The following ABCA13 variants were observed in gnomAD, a reference collection of about 807,000 sequenced individuals.
The protein encoded by ABCA13 is ATP-binding cassette sub-family A member 13.
Under a neutral mutation model 478.7 loss-of-function variants are expected in ABCA13, and 476 were observed. The observed-to-expected ratio is 0.99, with a 90% CI of 0.92 to 1.07. The LOEUF (loss-of-function observed/expected upper bound fraction) is 1.07. Among genes scored for constraint, ABCA13 ranks in the 50% least tolerant of loss-of-function variants. ABCA13 has a pLI of 0.00. For missense variants in ABCA13, 6,060 were observed against 5,910.6 expected, an observed-to-expected ratio of 1.03 and a Z score of -0.83; for synonymous variants, 2,252 against 2,158.9, an observed-to-expected ratio of 1.04 and a Z score of -1.20.
At chr7:48,532,250 G>C (rs1218028861) in intron 55 of ABCA13, among the ~76,000 whole-genome samples, 1 of 152,076 alleles carries the variant, frequency 6.6e-6, no homozygotes, top group Non-Finnish European at 1.5e-5. Context: ...CATCTATTGA[G>C]ATGATCATGT....
At chr7:48,413,716 C>A (rs567020299) in intron 41 of ABCA13, among the ~76,000 whole-genome samples, 38 of 152,186 alleles carry the variant, frequency 2.5e-4, no homozygotes, top group African/African-American at 8.7e-4. Context: ...TCAGTGTGGT[C>A]CCAAGTAGAT....
chr7:48,313,676 G>T (rs2128889363), intron 25 of ABCA13, among the ~76,000 whole-genome samples: 1 of 152,308 alleles, frequency 6.6e-6, no homozygotes, highest in African/African-American at 2.4e-5. Flanking sequence ...TTAGTGACTT[G>T]ATGTTAGGTT....
intron 27 of ABCA13, 57 bp from the exon 28 acceptor site, chr7:48,335,365 T>C: frequency 7.5e-7 from 1 of 1,326,284 alleles, no homozygotes. Flanking sequence ...TGTTGGAAGA[T>C]TTATCTTAAT....
intron 55 of ABCA13, among the ~76,000 whole-genome samples, chr7:48,546,684 C>T (rs1228932615): frequency 6.6e-6 from 1 of 151,246 alleles, no homozygotes; most frequent in African/African-American, 2.4e-5. Context: ...TTTAAGTGAC[C>T]GTATCATAGA....
In ABCA13 at chr7:48,466,959, T is replaced by TG. The variant is rs1239290964; in HGVS notation, c.12824dup (p.Asp4276ArgfsTer14). 3 of 1,613,768 alleles carry TG rather than the reference T, an allele frequency of 1.9e-6. No individual in the cohort carries two copies. In the African/African-American group the frequency reaches 4.0e-5, roughly 22 times the overall value. ...TTTGTCTCACAATGAACAGCAGCAG[T>TG]GGGGGCGACAACTTGGACCTCACCC... On this transcript the variant is annotated frameshift_variant, in exon 44 of 62. Transcript: ENST00000435803. LOFTEE classifies it high-confidence loss of function.
intron 59 of ABCA13, among the ~76,000 whole-genome samples, chr7:48,616,010 A>G (rs1429745568): frequency 6.6e-6 from 1 of 152,172 alleles, no homozygotes; most frequent in Non-Finnish European, 1.5e-5. Context: ...ATCCTGGTAT[A>G]ACATTAAAAA....
rs565240278 is a variant in ABCA13, at chr7:48,645,407, T to G, written c.15082-10T>G. 5 of 1,551,130 alleles carry G rather than the reference T, an allele frequency of 3.2e-6. No individual in the cohort carries two copies. The Admixed American group carries it at 5.8e-5, about 18-fold the overall frequency. On this transcript the variant is annotated splice_polypyrimidine_tract_variant and intron_variant, in intron 61 of 61. Transcript: ENST00000435803. The stretch of plus-strand genomic sequence containing the variant: ...TTATAAGTAAACAACATTTTTATGG[T>G]TTTTTTCAGGTATTTATTAATTTTG...
At chr7:48,481,925 T>C (rs1411841828) in intron 46 of ABCA13, among the ~76,000 whole-genome samples, 1 of 152,190 alleles carries the variant, frequency 6.6e-6, no homozygotes, top group Non-Finnish European at 1.5e-5. Flanking sequence ...TGTGTACTTA[T>C]TCCTTTGCCT....
chr7:48,346,505 C>T (rs931777307), intron 29 of ABCA13, among the ~76,000 whole-genome samples: 1 of 151,272 alleles, frequency 6.6e-6, no homozygotes, highest in African/African-American at 2.4e-5. Context: ...CTCCACTTCT[C>T]CATTAAAAAA....
At chr7:48,557,362 G>T (rs1405828662) in intron 55 of ABCA13, among the ~76,000 whole-genome samples, 1 of 151,964 alleles carries the variant, frequency 6.6e-6, no homozygotes, top group Non-Finnish European at 1.5e-5. Context: ...AATGTTTTTA[G>T]CATTTCTTGT....
At chr7:48,497,202 T>G (rs1223264044) in intron 48 of ABCA13, among the ~76,000 whole-genome samples, 1 of 152,192 alleles carries the variant, frequency 6.6e-6, no homozygotes, top group African/African-American at 2.4e-5. Flanking sequence ...TCTCTTCTTT[T>G]TTAGCTGCAC....
At chr7:48,410,809 T>G (rs1818911994) in intron 40 of ABCA13, 132 bp downstream of exon 40, 1 of 1,310,558 alleles carries the variant, frequency 7.6e-7, no homozygotes, top group Admixed American at 2.3e-5. Context: ...CATGCCAAAA[T>G]AAGTGGCCCC....
chr7:48,571,546 C>T (rs1787649720), intron 55 of ABCA13, among the ~76,000 whole-genome samples: 1 of 151,212 alleles, frequency 6.6e-6, no homozygotes, highest in Non-Finnish European at 1.5e-5. Flanking sequence ...GTTCTGGCCT[C>T]TGTGATGTCT....
chr7:48,608,337 A>C (rs556113539), intron 58 of ABCA13, among the ~76,000 whole-genome samples: 1 of 152,356 alleles, frequency 6.6e-6, no homozygotes, highest in African/African-American at 2.4e-5. Flanking sequence ...AGAAATTAGA[A>C]GTTCAGGCTA....
chr7:48,227,777 G>A (rs1359944986), intron 6 of ABCA13, among the ~76,000 whole-genome samples: 1 of 152,142 alleles, frequency 6.6e-6, no homozygotes, highest in African/African-American at 2.4e-5. Flanking sequence ...AATAAATTTG[G>A]CATTGGATTT....
intron 43 of ABCA13, among the ~76,000 whole-genome samples, chr7:48,458,982 G>A (rs1184498418): frequency 6.6e-6 from 1 of 152,182 alleles, no homozygotes; most frequent in Non-Finnish European, 1.5e-5. Flanking sequence ...TTTGGGGTCT[G>A]GTCAGCCATT....
chr7:48,447,167 A>T (rs531511220), intron 42 of ABCA13, among the ~76,000 whole-genome samples: 2 of 152,198 alleles, frequency 1.3e-5, no homozygotes, highest in African/African-American at 4.8e-5. Context: ...AAATGCAGTC[A>T]TTGCCTCAAA....
At chr7:48,219,710 G>C (rs1434583003) in intron 4 of ABCA13, among the ~76,000 whole-genome samples, 1 of 152,128 alleles carries the variant, frequency 6.6e-6, no homozygotes, top group Admixed American at 6.6e-5. Flanking sequence ...CCCTCGGAAG[G>C]CACCTTGTGC....
chr7:48,243,720 G>A (rs777379543), intron 10 of ABCA13, among the ~76,000 whole-genome samples: 2 of 152,236 alleles, frequency 1.3e-5, no homozygotes, highest in Non-Finnish European at 2.9e-5. Flanking sequence ...TGAAGAGACT[G>A]ACCACTATGG....
Sources: gnomAD v4.1 joint callset for allele counts (sites outside exome capture counted in the v4.1 genomes callset) on GRCh38, gnomAD v4.1.1 for gene constraint, MANE v1.5 for transcripts, NCBI Gene and HGNC (gene_info 2026-07-23, HGNC 2026-07-21) for gene names.